Variants in DLGAP2 observed in about 807,000 individuals in gnomAD.
DLGAP2 encodes the protein disks large-associated protein 2.
In DLGAP2, 26 loss-of-function variants were observed where a neutral mutation model predicts 100.3. That is an observed-to-expected ratio of 0.26 (90% CI 0.19 to 0.36). DLGAP2 has a LOEUF of 0.36. Among genes scored for constraint, DLGAP2 ranks in the 10% least tolerant of loss-of-function variants. The pLI is 1.00. For synonymous variants in DLGAP2, 886 were observed against 630.1 expected, an observed-to-expected ratio of 1.41 and a Z score of -6.08; for missense variants, 1,858 against 1,453.2, an observed-to-expected ratio of 1.28 and a Z score of -4.53.
chr8:1,641,424 A>G (rs1367322385), intron 8 of DLGAP2, among the ~76,000 whole-genome samples: 1 of 152,146 alleles, frequency 6.6e-6, no homozygotes, highest in African/African-American at 2.4e-5. Context: ...GAATTACAAC[A>G]TGAATGCTGG....
intron 1 of DLGAP2, among the ~76,000 whole-genome samples, chr8:778,749 T>C (rs1015349087): frequency 6.6e-6 from 1 of 152,238 alleles, no homozygotes; most frequent in African/African-American, 2.4e-5. Flanking sequence ...TTCAAAGCTG[T>C]CAGACAGGGA....
rs139288166 is a variant in DLGAP2, at chr8:755,922, A to C, written c.18+18097A>C. Among the ~76,000 whole-genome samples, 881 of 152,224 alleles carry C rather than the reference A, an allele frequency of 5.8e-3. 7 individuals carry two copies. Among genetic ancestry groups the C allele is most frequent in the Non-Finnish European group, 5.9e-3 (401 of 68,026 alleles). On this transcript the variant is annotated intron_variant, in intron 1 of 14. Transcript: ENST00000637795. ...GGAGGCGGGTGGAGAGTGTGGGATAATGCTGGGGTGTGCCCACAGGTGGTC... is the reference window on the plus strand; with the variant it reads ...GGAGGCGGGTGGAGAGTGTGGGATACTGCTGGGGTGTGCCCACAGGTGGTC...
intron 3 of DLGAP2, among the ~76,000 whole-genome samples, chr8:1,337,942 A>G (rs980120432): frequency 3.9e-5 from 6 of 152,220 alleles, no homozygotes; most frequent in South Asian, 2.1e-4. Flanking sequence ...GGGAAGCTCA[A>G]CATCATGAGT....
At chr8:1,334,892 C>T (rs1419641088) in intron 3 of DLGAP2, among the ~76,000 whole-genome samples, 2 of 152,204 alleles carry the variant, frequency 1.3e-5, no homozygotes, top group African/African-American at 2.4e-5. Context: ...GTTCTTTCTT[C>T]TCCTCCCCGC....
chr8:1,586,386 G>T (rs980510018), intron 6 of DLGAP2, among the ~76,000 whole-genome samples: 8 of 152,230 alleles, frequency 5.3e-5, no homozygotes, highest in African/African-American at 1.9e-4. Context: ...TTCAGAGCCA[G>T]CTGGACGGGG....
Position 1,704,809 on chromosome 8 carries a change from C to T in DLGAP2, c.*3403C>T, listed in dbSNP as rs769950893. ...AGCCTACAAACTCAGTGACCTACTA[C>T]GCAGAGGGAATTTTTCCCTGCTGCT... On this transcript the variant is annotated 3_prime_UTR_variant, in exon 15 of 15. Transcript: ENST00000637795. The T allele has an allele frequency of 2.6e-5, 4 of 151,746 alleles. No homozygotes were observed. Among genetic ancestry groups the T allele is most frequent in the Non-Finnish European group, 5.9e-5 (4 of 67,960 alleles). 9.4% of individuals were successfully genotyped at this position (151,746 alleles called of 1,614,324 possible).
At chr8:755,861 C>T (rs926354864) in intron 1 of DLGAP2, among the ~76,000 whole-genome samples, 8 of 152,198 alleles carry the variant, frequency 5.3e-5, no homozygotes, top group Non-Finnish European at 7.3e-5. Context: ...ACTGTCAGGG[C>T]TGTGCCACCC....
At chr8:960,237 C>CTTTTTTTTTT (rs71528625) in intron 2 of DLGAP2, among the ~76,000 whole-genome samples, 480 of 44,614 alleles carry the variant, frequency 0.011, 82 homozygotes, top group Admixed American at 0.018. Context: ...TGAAGTATAT[C>CTTTTTTTTTT]TTTTTTTTTT....
chr8:961,733 T>C lies in DLGAP2; in HGVS notation c.73+53767T>C, dbSNP rs959198136. Among the ~76,000 whole-genome samples the C allele has an allele frequency of 2.6e-5, 4 of 152,258 alleles. No individual in the cohort carries two copies. In the South Asian group the frequency reaches 6.2e-4, roughly 24 times the overall value. ...AACTATGTGAAAATTATGGGAGATA[T>C]GAAAGAAATTTATCCCGACATTCTG... On this transcript the variant is annotated intron_variant, in intron 2 of 14. Transcript: ENST00000637795.
At chr8:973,831 C>T (rs1162214173) in intron 2 of DLGAP2, among the ~76,000 whole-genome samples, 7 of 148,666 alleles carry the variant, frequency 4.7e-5, no homozygotes, top group African/African-American at 7.4e-5. Flanking sequence ...CGCGGCGGTC[C>T]GGGAGGTCGG....
chr8:1,683,484 G>T lies in DLGAP2; in HGVS notation c.2704+4855G>T, dbSNP rs1470022524. Reference sequence around the variant, plus strand: ...CCGGGGCATTCCCCATACCCTGGGGGATGATGGAACTTGCCTAAAGCTCCG... The same window carrying T: ...CCGGGGCATTCCCCATACCCTGGGGTATGATGGAACTTGCCTAAAGCTCCG... On this transcript the variant is annotated intron_variant, in intron 12 of 14. Transcript: ENST00000637795. Among the ~76,000 whole-genome samples the T allele has an allele frequency of 2.0e-5, 3 of 151,352 alleles. No homozygotes were observed. In the East Asian group the frequency reaches 5.8e-4, roughly 29 times the overall value.
At chr8:781,995 C>G (rs1030926748) in intron 1 of DLGAP2, among the ~76,000 whole-genome samples, 1 of 152,050 alleles carries the variant, frequency 6.6e-6, no homozygotes, top group East Asian at 1.9e-4. Context: ...AAGAGAAAAC[C>G]TGGTGTTCAA....
At position 1,439,440 on chromosome 8, in the gene DLGAP2, G is replaced by A. The variant is rs144330880; in HGVS notation, c.107-61926G>A. On this transcript the variant is annotated intron_variant, in intron 3 of 14. Coordinates refer to ENST00000637795, the MANE Select transcript of DLGAP2 (RefSeq NM_001346810.2). The stretch of plus-strand genomic sequence containing the variant: ...GTGTCCTCTCTAGTTCCTCACGGGA[G>A]CCCACGCAGCAGGACCTGCTGCCCA... Among the ~76,000 whole-genome samples the A allele has an allele frequency of 2.8e-3, 426 of 152,250 alleles. 5 individuals carry two copies. Among genetic ancestry groups the A allele is most frequent in the African/African-American group, 9.7e-3 (405 of 41,560 alleles).
intron 1 of DLGAP2, among the ~76,000 whole-genome samples, chr8:868,189 A>G (rs985335942): frequency 7.2e-5 from 11 of 152,198 alleles, no homozygotes; most frequent in African/African-American, 2.7e-4. Flanking sequence ...TTATGAGAGG[A>G]AGAAGATTGT....
At chr8:1,502,233 A>C (rs1799746664) in intron 4 of DLGAP2, among the ~76,000 whole-genome samples, 1 of 152,244 alleles carries the variant, frequency 6.6e-6, no homozygotes, top group Admixed American at 6.5e-5. Context: ...AGCCACTGAC[A>C]GCTGTCTGCA....
intron 2 of DLGAP2, among the ~76,000 whole-genome samples, chr8:1,138,116 A>G (rs985606625): frequency 7.9e-5 from 12 of 152,182 alleles, no homozygotes; most frequent in Non-Finnish European, 2.9e-5. Flanking sequence ...TGATGCCATG[A>G]ATCCAGCAGA....
At chr8:851,926 C>G (rs942479289) in intron 1 of DLGAP2, among the ~76,000 whole-genome samples, 3 of 152,150 alleles carry the variant, frequency 2.0e-5, no homozygotes, top group African/African-American at 4.8e-5. Context: ...TTACTCCTCT[C>G]TTATTAGCGA....
intron 1 of DLGAP2, among the ~76,000 whole-genome samples, chr8:790,768 CAG>C (rs1356021942): frequency 1.3e-5 from 2 of 151,992 alleles, no homozygotes; most frequent in East Asian, 3.9e-4. Flanking sequence ...GTTTTTGAAA[CAG>C]GGTTTCTTTC....
At chr8:847,019 CT>C (rs1797083897) in intron 1 of DLGAP2, among the ~76,000 whole-genome samples, 1 of 152,120 alleles carries the variant, frequency 6.6e-6, no homozygotes, top group South Asian at 2.1e-4. Flanking sequence ...TAAAATGGTG[CT>C]TTTGATTACT....
Sources: allele counts gnomAD v4.1 joint callset (sites outside exome capture counted in the v4.1 genomes callset), GRCh38; gene constraint gnomAD v4.1.1; transcripts MANE v1.5; gene names NCBI Gene and HGNC (gene_info 2026-07-23, HGNC 2026-07-21).